The following BLTP3B variants were observed in gnomAD, a reference collection of about 807,000 sequenced individuals.
BLTP3B encodes bridge-like lipid transfer protein family member 3B.
At chr12:100,112,619 G>A in the BLTP3B span, among the ~76,000 whole-genome samples, 1 of 151,778 alleles carries the variant, frequency 6.6e-6, no homozygotes, top group African/African-American at 2.4e-5. Context: ...CCATTATTAG[G>A]GTCTAAATTA....
the BLTP3B span, chr12:100,070,303 T>G: frequency 2.1e-5 from 22 of 1,050,400 alleles, no homozygotes; most frequent in Non-Finnish European, 2.7e-5. Flanking sequence ...TTTTTTTTTT[T>G]GAGACGGAGT....
the BLTP3B span, among the ~76,000 whole-genome samples, chr12:100,062,749 C>T: frequency 6.6e-6 from 1 of 151,938 alleles, no homozygotes; most frequent in African/African-American, 2.4e-5. Context: ...ATGGCTTGAG[C>T]CCAGGAGTTT....
the BLTP3B span, among the ~76,000 whole-genome samples, chr12:100,128,915 C>T: frequency 1.3e-5 from 2 of 152,056 alleles, no homozygotes; most frequent in Non-Finnish European, 2.9e-5. Flanking sequence ...AGATTTTCTT[C>T]ATTTTCTCTG....
At chr12:100,066,322 T>A in the BLTP3B span, among the ~76,000 whole-genome samples, 1 of 152,004 alleles carries the variant, frequency 6.6e-6, no homozygotes, top group Admixed American at 6.5e-5. Flanking sequence ...CAGTAAACTA[T>A]CACAATCCGA....
chr12:100,061,656 C>CAAAAA, the BLTP3B span, among the ~76,000 whole-genome samples: 19 of 67,194 alleles, frequency 2.8e-4, no homozygotes, highest in African/African-American at 5.2e-4. Flanking sequence ...GACTCCGTCT[C>CAAAAA]AAAAAAAAAA....
the BLTP3B span, among the ~76,000 whole-genome samples, chr12:100,111,270 GTTTTAGAT>G: frequency 1.4e-5 from 2 of 142,652 alleles, no homozygotes; most frequent in East Asian, 4.3e-4. Context: ...GGCTGGTGGG[GTTTTAGAT>G]TTTTTTTTTT....
the BLTP3B span, among the ~76,000 whole-genome samples, chr12:100,071,342 C>T: frequency 1.3e-5 from 2 of 151,694 alleles, no homozygotes; most frequent in Non-Finnish European, 2.9e-5. Flanking sequence ...ATCAAAAACA[C>T]AAAAATTAGC....
chr12:100,071,659 G>A, the BLTP3B span, among the ~76,000 whole-genome samples: 2 of 151,986 alleles, frequency 1.3e-5, no homozygotes, highest in Non-Finnish European at 2.9e-5. Context: ...ACGTTAGAAA[G>A]CCAAAGAAGC....
the BLTP3B span, among the ~76,000 whole-genome samples, chr12:100,066,495 G>A: frequency 4.6e-5 from 7 of 151,964 alleles, no homozygotes; most frequent in African/African-American, 1.2e-4. Context: ...AGAAACAATG[G>A]ATTTAAACTA....
chr12:100,128,828 A>G, the BLTP3B span: 5 of 917,596 alleles, frequency 5.4e-6, no homozygotes, highest in African/African-American at 5.9e-5. Context: ...TGCCCTTTGG[A>G]AAAAAAAAAC....
the BLTP3B span, among the ~76,000 whole-genome samples, chr12:100,102,159 G>C: frequency 7.0e-6 from 1 of 142,418 alleles, no homozygotes; most frequent in African/African-American, 2.6e-5. Context: ...ACCAAGGCTG[G>C]AGTGCAATGG....
the BLTP3B span, among the ~76,000 whole-genome samples, chr12:100,099,927 C>CA: frequency 0.15 from 18,017 of 123,144 alleles, 1,952 homozygotes; most frequent in East Asian, 0.6. Context: ...GATCACATTT[C>CA]AAAAAAAAAA....
the BLTP3B span, among the ~76,000 whole-genome samples, chr12:100,049,479 GAT>G: frequency 6.6e-6 from 1 of 152,262 alleles, no homozygotes; most frequent in African/African-American, 2.4e-5. Flanking sequence ...AGAAATTAAA[GAT>G]GTGTGTATTT....
chr12:100,069,501 T>C, the BLTP3B span, among the ~76,000 whole-genome samples: 3 of 152,094 alleles, frequency 2.0e-5, no homozygotes, highest in African/African-American at 4.8e-5. Context: ...TATGTGTGTA[T>C]ATATATGATG....
the BLTP3B span, among the ~76,000 whole-genome samples, chr12:100,076,496 C>T: frequency 6.7e-5 from 10 of 150,252 alleles, no homozygotes; most frequent in South Asian, 6.3e-4. Context: ...TGGACTGAAG[C>T]GATTCTCGTG....
At chr12:100,096,107 G>T in the BLTP3B span, among the ~76,000 whole-genome samples, 2 of 152,080 alleles carry the variant, frequency 1.3e-5, no homozygotes, top group African/African-American at 4.8e-5. Context: ...ACAAAAATTA[G>T]CCAGGTGTGG....
the BLTP3B span, among the ~76,000 whole-genome samples, chr12:100,095,440 G>C: frequency 6.6e-6 from 1 of 152,076 alleles, no homozygotes; most frequent in Non-Finnish European, 1.5e-5. Context: ...ATACTTTTAT[G>C]TCATCATTAG....
the BLTP3B span, among the ~76,000 whole-genome samples, chr12:100,072,291 A>T: frequency 6.6e-6 from 1 of 152,132 alleles, no homozygotes; most frequent in African/African-American, 2.4e-5. Flanking sequence ...AAAAACGAAA[A>T]AACCTCATGA....
the BLTP3B span, among the ~76,000 whole-genome samples, chr12:100,118,625 T>C: frequency 6.6e-6 from 1 of 152,288 alleles, no homozygotes; most frequent in Non-Finnish European, 1.5e-5. Flanking sequence ...ATGAACCATA[T>C]GAATGTAAAA....
Sources: gnomAD v4.1 joint callset for allele counts (sites outside exome capture counted in the v4.1 genomes callset) on GRCh38, gnomAD v4.1.1 for gene constraint, MANE v1.5 for transcripts, NCBI Gene and HGNC (gene_info 2026-07-23, HGNC 2026-07-21) for gene names.